The following EYS variants were observed in gnomAD, a reference collection of about 807,000 sequenced individuals.
The protein encoded by EYS is EGF-like photoreceptor maintenance factor.
EYS carries 250 observed loss-of-function variants against 282.1 expected under a neutral mutation model. The ratio of observed to expected loss-of-function variants is 0.89; its 90% CI spans 0.80 to 0.98. The LOEUF is 0.98. Ranked by LOEUF, EYS falls within the 50% of genes least tolerant of loss-of-function variation. The pLI is 0.00. For missense variants in EYS, 4,016 were observed against 3,709.0 expected (o/e 1.08, Z -2.15); for synonymous variants, 1,355 against 1,282.9 (o/e 1.06, Z -1.20).
intron 12 of EYS, among the ~76,000 whole-genome samples, chr6:65,257,831 G>A (rs1455039041): frequency 6.6e-6 from 1 of 151,930 alleles, no homozygotes; most frequent in Non-Finnish European, 1.5e-5. Flanking sequence ...GTAGAATGAT[G>A]GTTACTAGAG....
intron 30 of EYS, among the ~76,000 whole-genome samples, chr6:64,253,967 C>T (rs867819258): frequency 6.6e-6 from 1 of 152,078 alleles, no homozygotes; most frequent in East Asian, 1.9e-4. Flanking sequence ...CCTCTGTATG[C>T]ACTTTAACCC....
intron 14 of EYS, among the ~76,000 whole-genome samples, chr6:64,996,530 G>A (rs1771270249): frequency 6.6e-6 from 1 of 152,180 alleles, no homozygotes; most frequent in Non-Finnish European, 1.5e-5. Flanking sequence ...ATCCCCAAGA[G>A]TGGGATGTGA....
intron 34 of EYS, among the ~76,000 whole-genome samples, chr6:63,993,774 T>C (rs1767710317): frequency 6.6e-6 from 1 of 151,884 alleles, no homozygotes; most frequent in Admixed American, 6.6e-5. Flanking sequence ...TCCAAAGATA[T>C]TTTTACAAAA....
At chr6:64,448,459 T>A (rs1775198659) in intron 26 of EYS, among the ~76,000 whole-genome samples, 1 of 152,154 alleles carries the variant, frequency 6.6e-6, no homozygotes, top group East Asian at 1.9e-4. Flanking sequence ...AAGACAGCAA[T>A]AACCTCTGCA....
At chr6:63,932,478 A>T (rs1764924775) in intron 35 of EYS, among the ~76,000 whole-genome samples, 1 of 152,156 alleles carries the variant, frequency 6.6e-6, no homozygotes, top group African/African-American at 2.4e-5. Context: ...ACCTGGTTCA[A>T]CACTCAATAA....
intron 22 of EYS, among the ~76,000 whole-genome samples, chr6:64,787,517 T>A (rs1247593652): frequency 6.6e-6 from 1 of 151,828 alleles, no homozygotes; most frequent in East Asian, 1.9e-4. Flanking sequence ...ATTTGAAAAT[T>A]TGAAATGGTC....
At chr6:65,365,586 C>T (rs1391701392) in intron 8 of EYS, among the ~76,000 whole-genome samples, 1 of 151,542 alleles carries the variant, frequency 6.6e-6, no homozygotes, top group African/African-American at 2.4e-5. Context: ...TATTACAAAG[C>T]CTAAGGTAAG....
chr6:64,198,567 A>C (rs1028987451), intron 31 of EYS, among the ~76,000 whole-genome samples: 2 of 152,028 alleles, frequency 1.3e-5, no homozygotes, highest in African/African-American at 4.8e-5. Context: ...ATGAGTGAGA[A>C]CATGTGGTGT....
chr6:65,423,355 G>A (rs1390280068), intron 5 of EYS, among the ~76,000 whole-genome samples: 10 of 151,824 alleles, frequency 6.6e-5, no homozygotes, highest in African/African-American at 1.7e-4. Flanking sequence ...AAAATTAAAA[G>A]GCAGGTAATT....
At chr6:64,109,928 A>G (rs142210114) in intron 31 of EYS, among the ~76,000 whole-genome samples, 2,583 of 152,192 alleles carry the variant, frequency 0.017, 35 homozygotes, top group Middle Eastern at 0.065. Flanking sequence ...GAAAGTTCAT[A>G]TTGTAAACCA....
chr6:64,757,543 G>A (rs1216012181), intron 22 of EYS, among the ~76,000 whole-genome samples: 1 of 151,888 alleles, frequency 6.6e-6, no homozygotes, highest in Admixed American at 6.6e-5. Context: ...ATGCTATCAC[G>A]TCTTAATTTG....
intron 22 of EYS, among the ~76,000 whole-genome samples, chr6:64,769,479 G>A (rs73768411): frequency 0.039 from 5,861 of 151,526 alleles, 396 homozygotes; most frequent in African/African-American, 0.13. Flanking sequence ...TTCCCATTAC[G>A]CTATGTAATA....
At position 64,338,420 on chromosome 6, in the gene EYS, C is replaced by A. The variant is rs1770946454; in HGVS notation, c.6079-31338G>T. Among the ~76,000 whole-genome samples, 3 of 151,706 alleles carry A rather than the reference C, an allele frequency of 2.0e-5. No homozygotes were observed. In the South Asian group the frequency reaches 6.2e-4, roughly 31 times the overall value. On this transcript the variant is annotated intron_variant, in intron 29 of 42. Coordinates refer to ENST00000503581, the MANE Select transcript of EYS (RefSeq NM_001142800.2). ...AAAAAAAACTTAGGAATATACCTAA[C>A]CAAGGAGGTGAAAAACCTCCTCAAG...
At chr6:63,997,233 A>G (rs1767875622) in intron 34 of EYS, among the ~76,000 whole-genome samples, 1 of 152,202 alleles carries the variant, frequency 6.6e-6, no homozygotes, top group African/African-American at 2.4e-5. Flanking sequence ...CATGCAGTAG[A>G]AAAGCCACTT....
chr6:64,740,200 A>C (rs1244473768), intron 22 of EYS, among the ~76,000 whole-genome samples: 1 of 152,184 alleles, frequency 6.6e-6, no homozygotes, highest in African/African-American at 2.4e-5. Context: ...CAATAAATTT[A>C]CATAAAATAC....
intron 12 of EYS, among the ~76,000 whole-genome samples, chr6:65,239,455 A>G (rs533835937): frequency 1.5e-3 from 229 of 152,220 alleles, no homozygotes; most frequent in Non-Finnish European, 2.4e-3. Context: ...TTTGCTAAAT[A>G]CATAATGTAA....
At chr6:64,169,717 T>C (rs905432542) in intron 31 of EYS, among the ~76,000 whole-genome samples, 7 of 151,874 alleles carry the variant, frequency 4.6e-5, no homozygotes, top group Non-Finnish European at 1.0e-4. Context: ...GGCTCTTTAT[T>C]GTTCAACTCA....
At chr6:64,208,628 T>A (rs768123433) in intron 31 of EYS, among the ~76,000 whole-genome samples, 1 of 152,158 alleles carries the variant, frequency 6.6e-6, no homozygotes, top group Non-Finnish European at 1.5e-5. Context: ...ATGTAAATAT[T>A]TTAGAAATCC....
intron 2 of EYS, among the ~76,000 whole-genome samples, chr6:65,521,093 G>A (rs868387501): frequency 6.6e-6 from 1 of 152,100 alleles, no homozygotes; most frequent in Non-Finnish European, 1.5e-5. Context: ...TGCATTTGCT[G>A]CAATTAAGAG....
Sources: gnomAD v4.1 joint callset for allele counts (sites outside exome capture counted in the v4.1 genomes callset) on GRCh38, gnomAD v4.1.1 for gene constraint, MANE v1.5 for transcripts, NCBI Gene and HGNC (gene_info 2026-07-23, HGNC 2026-07-21) for gene names.